Variants in B4GALT1 observed in about 807,000 individuals in gnomAD.
The protein encoded by B4GALT1 is beta-1,4-galactosyltransferase 1.
B4GALT1 carries 16 observed loss-of-function variants against 34.9 expected under a neutral mutation model. The observed-to-expected ratio is 0.46, with a 90% CI of 0.31 to 0.70. The LOEUF is 0.70. B4GALT1 is among the 30% of genes least tolerant of loss of function. The probability of loss-of-function intolerance (pLI) is 0.05; values close to 1 mark genes in which losing one functional copy is unlikely to be tolerated. For synonymous variants in B4GALT1, 221 were observed against 218.1 expected (o/e 1.01, Z -0.12); for missense variants, 445 against 530.5 (o/e 0.84, Z 1.58).
At chr9:33,107,031 C>T (rs1413018332), downstream of B4GALT1, among the ~76,000 whole-genome samples, 1 of 152,154 alleles carries the variant, frequency 6.6e-6, no homozygotes, top group Non-Finnish European at 1.5e-5. Flanking sequence ...GAACACATCT[C>T]GCTGCAGGGC....
intron 1 of B4GALT1, among the ~76,000 whole-genome samples, chr9:33,159,049 A>AC (rs1236040344): frequency 1.3e-5 from 2 of 151,936 alleles, no homozygotes; most frequent in Non-Finnish European, 1.5e-5. Flanking sequence ...CCTTAATACC[A>AC]CATCCCCACA....
At chr9:33,104,333 C>T (rs1839777640) in exon 3 of B4GALT1, 1 of 155,304 alleles carries the variant, frequency 6.4e-6, no homozygotes, top group African/African-American at 2.4e-5. Context: ...TCTAAAAAGC[C>T]TCCAGCTCAG....
chr9:33,117,619 A>T (rs987200661), intron 3 of B4GALT1, among the ~76,000 whole-genome samples: 4 of 152,220 alleles, frequency 2.6e-5, no homozygotes, highest in Non-Finnish European at 5.9e-5. Context: ...TTTGAGGGGG[A>T]AGTCAGCCAA....
At chr9:33,104,263 T>C (rs1839776792) in exon 3 of B4GALT1, 1 of 154,768 alleles carries the variant, frequency 6.5e-6, no homozygotes, top group African/African-American at 2.4e-5. Flanking sequence ...ACATAACCTA[T>C]CTAGCTGACT....
Position 33,154,605 on chromosome 9 carries a change from A to G in B4GALT1, c.412+12153T>C, listed in dbSNP as rs561139265. ...AGCATTATCTTTCGTTCAGTGATGT[A>G]GGTGGTTGTTGATGGAGCCTAGAAC... On this transcript the variant is annotated intron_variant, in intron 1 of 5. Transcript: ENST00000379731. 3.3e-5 allele frequency among the ~76,000 whole-genome samples: 5 copies of G among 152,334 alleles called. No homozygotes were observed. In the South Asian group the frequency reaches 1.0e-3, roughly 32 times the overall value.
At chr9:33,171,901 T>C (rs1280255753), upstream of B4GALT1, among the ~76,000 whole-genome samples, 1 of 152,188 alleles carries the variant, frequency 6.6e-6, no homozygotes, top group Non-Finnish European at 1.5e-5. Flanking sequence ...GTCAGGCACC[T>C]TTATTCCACA....
At chr9:33,184,429 C>T in the B4GALT1 span, among the ~76,000 whole-genome samples, 1 of 152,100 alleles carries the variant, frequency 6.6e-6, no homozygotes, top group Admixed American at 6.6e-5. Flanking sequence ...GCTTAAAATT[C>T]GCTCATAACT....
chr9:33,166,735 C>A (rs1367021436), intron 1 of B4GALT1, 23 bp downstream of exon 1: 1 of 1,492,234 alleles, frequency 6.7e-7, no homozygotes, highest in East Asian at 2.4e-5. Context: ...AATCCTCCGA[C>A]TGGCGCCGAC....
At chr9:33,165,903 G>C (rs1224370683) in intron 1 of B4GALT1, among the ~76,000 whole-genome samples, 1 of 152,130 alleles carries the variant, frequency 6.6e-6, no homozygotes. Flanking sequence ...AGATCATCTG[G>C]GCAAGATAAT....
intron 1 of B4GALT1, among the ~76,000 whole-genome samples, chr9:33,161,887 G>A (rs1177950646): frequency 6.6e-6 from 1 of 152,158 alleles, no homozygotes; most frequent in East Asian, 1.9e-4. Context: ...GAAATCAGCA[G>A]GTATGACTAC....
At chr9:33,158,102 G>A (rs567044798) in intron 1 of B4GALT1, among the ~76,000 whole-genome samples, 10 of 152,034 alleles carry the variant, frequency 6.6e-5, no homozygotes, top group Middle Eastern at 3.2e-3. Flanking sequence ...GGCCTTTCAC[G>A]TTGCATATAC....
At chr9:33,143,472 T>A (rs1840382307) in intron 1 of B4GALT1, among the ~76,000 whole-genome samples, 3 of 152,280 alleles carry the variant, frequency 2.0e-5, no homozygotes, top group Admixed American at 6.5e-5. Context: ...GCTTTCGCAA[T>A]GCTGGTAGCT....
At chr9:33,172,513 T>G in the B4GALT1 span, among the ~76,000 whole-genome samples, 1 of 152,176 alleles carries the variant, frequency 6.6e-6, no homozygotes, top group African/African-American at 2.4e-5. Flanking sequence ...AGAGGGAGTT[T>G]TGGCATTTCA....
At chr9:33,115,879 C>T in intron 4 of B4GALT1, 112 bp downstream of exon 4, 1 of 1,390,504 alleles carries the variant, frequency 7.2e-7, no homozygotes, top group Admixed American at 1.7e-5. Flanking sequence ...TGTGGGCTGA[C>T]TAGGGGTGCA....
chr9:33,139,107 G>C (rs1840311463), intron 1 of B4GALT1, among the ~76,000 whole-genome samples: 1 of 152,144 alleles, frequency 6.6e-6, no homozygotes. Context: ...AACTTGCCCT[G>C]TGATATGTAT....
At chr9:33,143,816 T>C (rs949204229) in intron 1 of B4GALT1, among the ~76,000 whole-genome samples, 1 of 152,206 alleles carries the variant, frequency 6.6e-6, no homozygotes, top group Admixed American at 6.5e-5. Flanking sequence ...GTGTAACATG[T>C]TTTGCTTTCA....
chr9:33,174,608 C>T, the B4GALT1 span, among the ~76,000 whole-genome samples: 2 of 151,452 alleles, frequency 1.3e-5, no homozygotes, highest in African/African-American at 4.8e-5. Context: ...GAGATCGTGC[C>T]ACTGCCCTCC....
the B4GALT1 span, among the ~76,000 whole-genome samples, chr9:33,182,788 A>G: frequency 6.6e-6 from 1 of 152,336 alleles, no homozygotes; most frequent in South Asian, 2.1e-4. Context: ...TTATTTTGAC[A>G]AGCGAGATGA....
At chr9:33,158,881 T>C (rs1341014091) in intron 1 of B4GALT1, among the ~76,000 whole-genome samples, 1 of 152,188 alleles carries the variant, frequency 6.6e-6, no homozygotes. Flanking sequence ...TAGTTACCAA[T>C]AAAAGTTTGC....
Sources: gnomAD v4.1 joint callset for allele counts (sites outside exome capture counted in the v4.1 genomes callset) on GRCh38, gnomAD v4.1.1 for gene constraint, MANE v1.5 for transcripts, NCBI Gene and HGNC (gene_info 2026-07-23, HGNC 2026-07-21) for gene names.